Variants in ENTPD3 observed in about 807,000 individuals in gnomAD.
ENTPD3 encodes the protein ectonucleoside triphosphate diphosphohydrolase 3, also known as CD39 antigen-like 3.
ENTPD3 carries 60 observed loss-of-function variants against 51.2 expected under a neutral mutation model. That is an observed-to-expected ratio of 1.17 (90% CI 0.95 to 1.45). The LOEUF (loss-of-function observed/expected upper bound fraction) is 1.45. Among genes scored for constraint, ENTPD3 ranks in the 40% most tolerant of loss-of-function variants. The probability of loss-of-function intolerance (pLI) is 0.00; values close to 1 mark genes in which losing one functional copy is unlikely to be tolerated. For missense variants in ENTPD3, 593 were observed against 641.1 expected, an observed-to-expected ratio of 0.93 and a Z score of 0.81; for synonymous variants, 221 against 238.4, an observed-to-expected ratio of 0.93 and a Z score of 0.67.
intron 2 of ENTPD3, among the ~76,000 whole-genome samples, chr3:40,388,834 G>T (rs1221871617): frequency 1.3e-5 from 2 of 152,124 alleles, no homozygotes; most frequent in African/African-American, 4.8e-5. Flanking sequence ...TTTCTGCAAG[G>T]ACAAGAGTTT....
chr3:40,400,778 C>A, intron 3 of ENTPD3, 116 bp from the exon 4 acceptor site: 1 of 706,438 alleles, frequency 1.4e-6, no homozygotes, highest in Non-Finnish European at 2.4e-6. Flanking sequence ...TTGATTAGCC[C>A]TTCCCTAAGC....
At chr3:40,392,432 C>T (rs757984280) in intron 3 of ENTPD3, 1 of 367,122 alleles carries the variant, frequency 2.7e-6, no homozygotes, top group Non-Finnish European at 4.9e-6. Flanking sequence ...CCAAGAGTTG[C>T]AGATAGCTAT....
chr3:40,395,766 G>A (rs1219497717), intron 3 of ENTPD3, among the ~76,000 whole-genome samples: 4 of 152,184 alleles, frequency 2.6e-5, no homozygotes, highest in Admixed American at 6.5e-5. Flanking sequence ...GTAGACTCGG[G>A]CCACTAGTTA....
rs1955908184 is a variant in ENTPD3 at position 40,422,912 on chromosome 3, C to T, written c.894C>T (p.Phe298=). 6.2e-7 allele frequency: 1 copy of T among 1,614,008 alleles called. No homozygotes were observed. The highest frequency in any genetic ancestry group is 8.5e-7 in the Non-Finnish European group (1 of 1,179,966). The change falls in exon 8 of 11, where the codon TTC becomes TTT. Residue 298 remains phenylalanine, a synonymous_variant. Transcript: ENST00000301825. ...ACCCTCGGGATTATAGCATCAGCTT[C>T]ACCATGGGCCATGTATTTGATAGCC... The part of the protein sequence containing the change: ...PCYPRDYSIS[F]TMGHVFDSLC...
At chr3:40,401,778 C>T (rs997545289) in intron 4 of ENTPD3, among the ~76,000 whole-genome samples, 1 of 152,116 alleles carries the variant, frequency 6.6e-6, no homozygotes, top group African/African-American at 2.4e-5. Flanking sequence ...TCTTAGCTCA[C>T]AGGCTGTACA....
At chr3:40,407,075 A>T (rs1955521000) in intron 4 of ENTPD3, among the ~76,000 whole-genome samples, 1 of 152,164 alleles carries the variant, frequency 6.6e-6, no homozygotes, top group Non-Finnish European at 1.5e-5. Context: ...TGTGTGCATC[A>T]CAACACCATT....
chr3:40,411,157 G>A (rs901477713), intron 4 of ENTPD3, among the ~76,000 whole-genome samples: 1 of 151,834 alleles, frequency 6.6e-6, no homozygotes, highest in Non-Finnish European at 1.5e-5. Context: ...CAGGCGTGGT[G>A]GTGCACGCCT....
Position 40,423,104 on chromosome 3 carries a change from G to A in ENTPD3, c.1086G>A (p.Lys362=), listed in dbSNP as rs138234722. Residue 362 remains lysine, a synonymous_variant, in exon 8 of 11, where the codon AAG becomes AAA. Transcript: ENST00000301825. ...TCSFDGVYQP[K]IKGPFVAFAG... is the part of the protein sequence containing the mutation. ...CTTTTGATGGGGTTTATCAGCCAAA[G>A]ATTAAAGGGCCATTTGTGGTAAGAG... is the stretch of plus-strand genomic sequence containing the variant. 1.9e-6 allele frequency: 3 copies of A among 1,612,406 alleles called. No homozygotes were observed. In the African/African-American group the frequency reaches 4.0e-5, roughly 22 times the overall value.
At position 40,423,033 on chromosome 3, in the gene ENTPD3, G is replaced by A. The variant is rs1473205617; in HGVS notation, c.1015G>A (p.Ala339Thr). 2 of 1,614,046 alleles carry A rather than the reference G, an allele frequency of 1.2e-6. No homozygotes were observed. The highest frequency in any genetic ancestry group is 1.7e-6 in the Non-Finnish European group (2 of 1,179,968). ...CCCATCTCTGTGTAAGGAGAAGGTGGCTTCCATATTTGACTTCAAAGCTTG... is the reference window on the plus strand; with the variant it reads ...CCCATCTCTGTGTAAGGAGAAGGTGACTTCCATATTTGACTTCAAAGCTTG... ...GDPSLCKEKV[A>T]SIFDFKACHD... The change falls in exon 8 of 11, where the codon GCT becomes ACT. Residue 339 changes from alanine to threonine, a missense_variant. By Grantham distance (58) the Ala-to-Thr change is moderately conservative. Coordinates refer to ENST00000301825, the MANE Select transcript of ENTPD3 (RefSeq NM_001248.4).
At position 40,427,489 on chromosome 3, in the gene ENTPD3, A is replaced by G; in HGVS notation, c.1571A>G (p.His524Arg). The change falls in exon 11 of 11, where the codon CAT becomes CGT. Residue 524 changes from histidine (H) to arginine (R), a missense_variant. By Grantham distance (29) the His-to-Arg change is conservative (BLOSUM62 0). Coordinates refer to ENST00000301825, the MANE Select transcript of ENTPD3 (RefSeq NM_001248.4). ...RKRHSEHAFD[H>R]AVDSD Reference sequence around the variant, plus strand: ...AGGCACTCCGAGCATGCCTTTGACCATGCAGTGGATTCTGACTGAGCCTTC... The same window carrying G: ...AGGCACTCCGAGCATGCCTTTGACCGTGCAGTGGATTCTGACTGAGCCTTC... 6.2e-7 allele frequency: 1 copy of G among 1,613,962 alleles called. No individual in the cohort carries two copies.
chr3:40,399,239 A>C (rs1356178940), intron 3 of ENTPD3, among the ~76,000 whole-genome samples: 1 of 152,168 alleles, frequency 6.6e-6, no homozygotes, highest in Admixed American at 6.5e-5. Context: ...ATATATTGTT[A>C]GAAAAGATAC....
At position 40,422,942 on chromosome 3, in the gene ENTPD3, C is replaced by G; in HGVS notation, c.924C>G (p.Cys308Trp). 1 of 1,614,066 alleles carries G rather than the reference C, an allele frequency of 6.2e-7. No homozygotes were observed. The change falls in exon 8 of 11, where the codon TGC becomes TGG. Residue 308 changes from cysteine to tryptophan, a missense_variant. Transcript: ENST00000301825. ...TGGGCCATGTATTTGATAGCCTGTG[C>G]ACTGTGGACCAGAGGCCAGAAAGTT... ...FTMGHVFDSL[C>W]TVDQRPESYN...
chr3:40,404,340 T>C (rs1391006198), intron 4 of ENTPD3, among the ~76,000 whole-genome samples: 1 of 152,204 alleles, frequency 6.6e-6, no homozygotes, highest in East Asian at 1.9e-4. Flanking sequence ...TCAATAAGCA[T>C]TAACTGTTAT....
In ENTPD3 at chr3:40,427,513, T is replaced by C. The variant is rs1956008776; in HGVS notation, c.*5T>C. 1 of 1,608,516 alleles carries C rather than the reference T, an allele frequency of 6.2e-7. No homozygotes were observed. Among genetic ancestry groups the C allele is most frequent in the Non-Finnish European group, 8.5e-7 (1 of 1,175,164 alleles). On this transcript the variant is annotated 3_prime_UTR_variant, in exon 11 of 11. Coordinates refer to ENST00000301825, the MANE Select transcript of ENTPD3 (RefSeq NM_001248.4). ...CATGCAGTGGATTCTGACTGAGCCT[T>C]CAAAGCAGCTCCTGGAGTCCAATGG... is the stretch of plus-strand genomic sequence containing the variant.
At chr3:40,389,444 T>C (rs767265166) in intron 2 of ENTPD3, among the ~76,000 whole-genome samples, 30 of 152,220 alleles carry the variant, frequency 2.0e-4, no homozygotes, top group Admixed American at 7.9e-4. Flanking sequence ...AATTCTGTAA[T>C]GAGTAACCTT....
intron 3 of ENTPD3, 100 bp downstream of exon 3, chr3:40,392,250 C>T (rs2125587538): frequency 7.1e-7 from 1 of 1,405,502 alleles, no homozygotes; most frequent in Non-Finnish European, 9.8e-7. Flanking sequence ...AAAATCCTTT[C>T]CCCCCATCTC....
Position 40,427,769 on chromosome 3 carries a change from C to A in ENTPD3, c.*261C>A, listed in dbSNP as rs1422310279. 4 of 489,534 alleles carry A rather than the reference C, an allele frequency of 8.2e-6. No individual in the cohort carries two copies. The highest frequency in any genetic ancestry group is 7.7e-5 in the African/African-American group (4 of 51,824). The allele number at this position is 489,534 out of a possible 1,614,324, so 30.3% of individuals were successfully genotyped here. ...CAGAGAAGAGACAGGCCACGAAGGT[C>A]AGGCTCTTTATATTAAGTTCCCCAG... On this transcript the variant is annotated 3_prime_UTR_variant, in exon 11 of 11. Transcript: ENST00000301825.
At chr3:40,426,194 C>T (rs1205006247) in intron 10 of ENTPD3, among the ~76,000 whole-genome samples, 5 of 149,894 alleles carry the variant, frequency 3.3e-5, no homozygotes, top group African/African-American at 7.3e-5. Flanking sequence ...CTGCAGCCTC[C>T]GCCTCCTGGG....
At chr3:40,388,585 G>GACACACAC (rs55657804) in intron 2 of ENTPD3, among the ~76,000 whole-genome samples, 5,376 of 126,168 alleles carry the variant, frequency 0.043, 184 homozygotes, top group Non-Finnish European at 0.054. Flanking sequence ...CACACACACA[G>GACACACAC]ACACACACAC....
Sources: allele counts gnomAD v4.1 joint callset (sites outside exome capture counted in the v4.1 genomes callset), GRCh38; gene constraint gnomAD v4.1.1; transcripts MANE v1.5; gene names NCBI Gene and HGNC (gene_info 2026-07-23, HGNC 2026-07-21).